FGF14: variants seen among roughly 807,000 people sequenced by gnomAD.
FGF14 encodes fibroblast growth factor homologous factor 4.
A neutral mutation model predicts 25.5 loss-of-function variants in FGF14; 5 were observed. That is an observed-to-expected ratio of 0.20 (90% CI 0.10 to 0.41). FGF14 has a LOEUF of 0.41. FGF14 is among the 10% of genes least tolerant of loss of function. The pLI, the probability that FGF14 is intolerant of heterozygous loss-of-function variation, is 1.00. For synonymous variants in FGF14, 138 were observed against 118.3 expected, an observed-to-expected ratio of 1.17 and a Z score of -1.08; for missense variants, 222 against 320.1, an observed-to-expected ratio of 0.69 and a Z score of 2.34.
At chr13:102,223,239 A>G (rs928144833) in intron 1 of FGF14, among the ~76,000 whole-genome samples, 22 of 152,300 alleles carry the variant, frequency 1.4e-4, no homozygotes, top group Non-Finnish European at 2.8e-4. Context: ...GTGACTCTGA[A>G]GCAACATCAG....
At chr13:101,954,609 A>C (rs1456778902) in intron 1 of FGF14, among the ~76,000 whole-genome samples, 3 of 152,236 alleles carry the variant, frequency 2.0e-5, no homozygotes, top group Admixed American at 6.5e-5. Context: ...AGGCTAAGGG[A>C]AAGTCCAATA....
intron 1 of FGF14, among the ~76,000 whole-genome samples, chr13:102,048,032 G>A (rs1270053253): frequency 3.4e-5 from 5 of 148,634 alleles, no homozygotes; most frequent in Admixed American, 3.3e-4. Flanking sequence ...AAAAAAAAAA[G>A]CAGCAGTTGA....
intron 1 of FGF14, among the ~76,000 whole-genome samples, chr13:101,882,645 A>G (rs2045773614): frequency 6.6e-6 from 1 of 152,136 alleles, no homozygotes; most frequent in Admixed American, 6.5e-5. Flanking sequence ...TAAGAAAATA[A>G]CTGCACATGG....
intron 1 of FGF14, among the ~76,000 whole-genome samples, chr13:102,305,963 G>A (rs938806270): frequency 3.3e-5 from 5 of 152,132 alleles, no homozygotes; most frequent in African/African-American, 1.2e-4. Context: ...GCATTTAGGA[G>A]ATAAATGCTA....
chr13:101,747,744 T>C (rs534024805), intron 3 of FGF14, among the ~76,000 whole-genome samples: 1 of 152,038 alleles, frequency 6.6e-6, no homozygotes, highest in South Asian at 2.1e-4. Context: ...AAGATTAACA[T>C]GCAGAATCTA....
chr13:102,341,085 G>A (rs2138903061), intron 1 of FGF14, among the ~76,000 whole-genome samples: 1 of 152,074 alleles, frequency 6.6e-6, no homozygotes, highest in South Asian at 2.1e-4. Context: ...GTACCTTCAG[G>A]GCAAAATTAA....
intron 1 of FGF14, among the ~76,000 whole-genome samples, chr13:101,887,009 G>A (rs2046023733): frequency 6.6e-6 from 1 of 152,116 alleles, no homozygotes; most frequent in Non-Finnish European, 1.5e-5. Flanking sequence ...TCTCACCCCA[G>A]TTGACATGGC....
At chr13:101,949,597 T>C (rs1195209136) in intron 1 of FGF14, among the ~76,000 whole-genome samples, 1 of 152,222 alleles carries the variant, frequency 6.6e-6, no homozygotes, top group African/African-American at 2.4e-5. Flanking sequence ...CTTTAGTTAC[T>C]GTACTATGGG....
At chr13:101,998,886 G>A (rs1252356118) in intron 1 of FGF14, among the ~76,000 whole-genome samples, 1 of 152,172 alleles carries the variant, frequency 6.6e-6, no homozygotes, top group Non-Finnish European at 1.5e-5. Flanking sequence ...AACACCTAGA[G>A]TGTCTGCTCT....
At chr13:102,137,704 C>T (rs2046472196) in intron 1 of FGF14, among the ~76,000 whole-genome samples, 1 of 152,124 alleles carries the variant, frequency 6.6e-6, no homozygotes, top group Non-Finnish European at 1.5e-5. Flanking sequence ...CATGACACAT[C>T]AGTACCCTTC....
chr13:101,993,931 T>TA (rs916505284), intron 1 of FGF14, among the ~76,000 whole-genome samples: 1 of 150,988 alleles, frequency 6.6e-6, no homozygotes, highest in African/African-American at 2.4e-5. Flanking sequence ...AATAATAAAA[T>TA]AAAAAAAAGA....
At chr13:101,799,646 A>C (rs2040756380) in intron 3 of FGF14, among the ~76,000 whole-genome samples, 1 of 152,110 alleles carries the variant, frequency 6.6e-6, no homozygotes. Context: ...ACTGTTTCTC[A>C]CTGTCTGGAT....
intron 1 of FGF14, among the ~76,000 whole-genome samples, chr13:102,282,589 T>C (rs373355039): frequency 3.3e-5 from 5 of 152,208 alleles, no homozygotes; most frequent in East Asian, 1.9e-4. Flanking sequence ...TCAACATTTA[T>C]CTTAAGCTAA....
At chr13:101,902,448 G>T (rs1408206138) in intron 1 of FGF14, among the ~76,000 whole-genome samples, 2 of 151,984 alleles carry the variant, frequency 1.3e-5, no homozygotes, top group African/African-American at 4.8e-5. Flanking sequence ...TTTCTTAATT[G>T]GAACTTTAAA....
At chr13:102,021,529 C>A (rs1354940381) in intron 1 of FGF14, among the ~76,000 whole-genome samples, 5 of 151,860 alleles carry the variant, frequency 3.3e-5, no homozygotes, top group Admixed American at 2.6e-4. Context: ...CGTTGCCTGT[C>A]ACTCAGCAAC....
chr13:102,166,092 C>A (rs984629296), intron 1 of FGF14, among the ~76,000 whole-genome samples: 1 of 150,954 alleles, frequency 6.6e-6, no homozygotes, highest in African/African-American at 2.4e-5. Context: ...CCCTATTCTC[C>A]CCTCCCCAAG....
chr13:102,134,823 T>C (rs1292207987), intron 1 of FGF14, among the ~76,000 whole-genome samples: 2 of 152,236 alleles, frequency 1.3e-5, no homozygotes, highest in Non-Finnish European at 2.9e-5. Context: ...TTGATACAAA[T>C]GTTTCCTGGT....
intron 1 of FGF14, among the ~76,000 whole-genome samples, chr13:101,989,565 T>A (rs952605796): frequency 2.0e-5 from 3 of 152,120 alleles, no homozygotes; most frequent in Admixed American, 6.6e-5. Flanking sequence ...GCAATTCTTT[T>A]AATAAATAAA....
At chr13:101,750,277 T>G (rs2037185249) in intron 3 of FGF14, among the ~76,000 whole-genome samples, 1 of 152,142 alleles carries the variant, frequency 6.6e-6, no homozygotes, top group Non-Finnish European at 1.5e-5. Context: ...AACAATGTTA[T>G]GTATCCCAGC....
Sources: gnomAD v4.1 joint callset for allele counts (sites outside exome capture counted in the v4.1 genomes callset) on GRCh38, gnomAD v4.1.1 for gene constraint, MANE v1.5 for transcripts, NCBI Gene and HGNC (gene_info 2026-07-23, HGNC 2026-07-21) for gene names.